XYLT1: variants seen among roughly 807,000 people sequenced by gnomAD.
XYLT1 encodes xylosyltransferase 1, also known as beta-D-xylosyltransferase 1.
XYLT1 carries 36 observed loss-of-function variants against 91.3 expected under a neutral mutation model. The ratio of observed to expected loss-of-function variants is 0.39; its 90% CI spans 0.30 to 0.52. The LOEUF (loss-of-function observed/expected upper bound fraction) is 0.52. Ranked by LOEUF, XYLT1 falls within the 20% of genes least tolerant of loss-of-function variation. The pLI, the probability that XYLT1 is intolerant of heterozygous loss-of-function variation, is 0.68. For synonymous variants in XYLT1, 588 were observed against 532.0 expected (o/e 1.11, Z -1.45); for missense variants, 1,242 against 1,284.5 (o/e 0.97, Z 0.51).
chr16:17,290,102 C>T (rs567366325), intron 2 of XYLT1, among the ~76,000 whole-genome samples: 1 of 152,314 alleles, frequency 6.6e-6, no homozygotes, highest in South Asian at 2.1e-4. Context: ...TCAAAGTAGA[C>T]TCTGAACTTG....
chr16:17,170,364 T>G (rs1399546766), intron 5 of XYLT1, among the ~76,000 whole-genome samples: 1 of 152,214 alleles, frequency 6.6e-6, no homozygotes, highest in Non-Finnish European at 1.5e-5. Flanking sequence ...GGGTCATCTA[T>G]GTTCCCCAAC....
chr16:17,462,247 C>T (rs1274623909), intron 1 of XYLT1, among the ~76,000 whole-genome samples: 2 of 152,210 alleles, frequency 1.3e-5, no homozygotes, highest in African/African-American at 2.4e-5. Context: ...CAAATCCATT[C>T]ATTGCCCCTA....
intron 3 of XYLT1, among the ~76,000 whole-genome samples, chr16:17,247,148 CATTCATTT>C (rs1006823198): frequency 2.1e-4 from 28 of 135,602 alleles, no homozygotes; most frequent in African/African-American, 2.0e-4. Flanking sequence ...TTCATTCATT[CATTCATTT>C]ATTCATTCAC....
intron 10 of XYLT1, among the ~76,000 whole-genome samples, chr16:17,126,199 G>A (rs1247175436): frequency 6.6e-6 from 1 of 152,200 alleles, no homozygotes; most frequent in East Asian, 1.9e-4. Flanking sequence ...CCTGTGTAGT[G>A]AGGACCATCC....
At chr16:17,218,843 T>A (rs567109771) in intron 3 of XYLT1, among the ~76,000 whole-genome samples, 3 of 152,292 alleles carry the variant, frequency 2.0e-5, no homozygotes, top group African/African-American at 7.2e-5. Flanking sequence ...CTCCCAAGCA[T>A]GTGCCAGCAC....
At chr16:17,203,467 A>T (rs574353788) in intron 3 of XYLT1, among the ~76,000 whole-genome samples, 1 of 149,906 alleles carries the variant, frequency 6.7e-6, no homozygotes, top group South Asian at 2.1e-4. Flanking sequence ...TCCAACCACT[A>T]ATCTGTCCAT....
chr16:17,330,104 T>TACACAC (rs35148093), intron 2 of XYLT1, among the ~76,000 whole-genome samples: 2,179 of 144,560 alleles, frequency 0.015, 34 homozygotes, highest in African/African-American at 0.035. Context: ...TGGAGGTAGA[T>TACACAC]ACACACACAC....
chr16:17,158,806 A>C (rs375444153), intron 6 of XYLT1, 23 bp downstream of exon 6: 7 of 1,611,488 alleles, frequency 4.3e-6, no homozygotes, highest in African/African-American at 2.7e-5. Flanking sequence ...CATTTTGTAC[A>C]GGGGTAGGGG....
chr16:17,188,493 C>T (rs2032238112), intron 5 of XYLT1, among the ~76,000 whole-genome samples: 1 of 152,136 alleles, frequency 6.6e-6, no homozygotes, highest in Admixed American at 6.5e-5. Context: ...TCCTGGGATG[C>T]CTGCTTGGAA....
At chr16:17,218,647 G>T (rs925935764) in intron 3 of XYLT1, among the ~76,000 whole-genome samples, 1 of 152,082 alleles carries the variant, frequency 6.6e-6, no homozygotes, top group Non-Finnish European at 1.5e-5. Flanking sequence ...TCAAATATGT[G>T]GAAATTGTTA....
chr16:17,380,363 G>C (rs1232681522), intron 1 of XYLT1, among the ~76,000 whole-genome samples: 1 of 152,166 alleles, frequency 6.6e-6, no homozygotes, highest in Non-Finnish European at 1.5e-5. Flanking sequence ...AGCAGACGAA[G>C]CAGTTGACTC....
intron 6 of XYLT1, among the ~76,000 whole-genome samples, chr16:17,156,846 G>A (rs183513814): frequency 7.3e-4 from 111 of 152,218 alleles, no homozygotes; most frequent in African/African-American, 2.6e-3. Flanking sequence ...ATGTAAAGAA[G>A]GTAGGCTGTG....
At chr16:17,115,359 G>A (rs112192060) in intron 11 of XYLT1, among the ~76,000 whole-genome samples, 8,217 of 144,626 alleles carry the variant, frequency 0.057, 769 homozygotes, top group African/African-American at 0.2. Context: ...TGGCACACTC[G>A]TGTAGTTTCA....
chr16:17,155,483 CAA>C (rs1253308036), intron 6 of XYLT1, among the ~76,000 whole-genome samples: 1 of 152,216 alleles, frequency 6.6e-6, no homozygotes, highest in East Asian at 1.9e-4. Context: ...CATTTCCCAC[CAA>C]AAGAGTTCTC....
rs532341952 is a variant in XYLT1 at position 17,409,438 on chromosome 16, C to T, written c.364-51388G>A. ...TGTGCATAATATTGATCTTGAACCA[C>T]AGCGATCTTCCTAGTTCCTTTTGCC... On this transcript the variant is annotated intron_variant, in intron 1 of 11. Transcript: ENST00000261381. Among the ~76,000 whole-genome samples the T allele has an allele frequency of 3.9e-5, 6 of 152,166 alleles. No individual in the cohort carries two copies. The South Asian group carries it at 8.3e-4, about 21-fold the overall frequency.
intron 6 of XYLT1, among the ~76,000 whole-genome samples, chr16:17,142,431 ATTTTTT>A (rs71137975): frequency 1.6e-5 from 2 of 122,746 alleles, no homozygotes; most frequent in Non-Finnish European, 3.3e-5. Flanking sequence ...AAATCCTGTA[ATTTTTT>A]TTTTTTTTTT....
At chr16:17,261,985 A>G (rs2033729358) in intron 2 of XYLT1, among the ~76,000 whole-genome samples, 1 of 152,192 alleles carries the variant, frequency 6.6e-6, no homozygotes, top group Non-Finnish European at 1.5e-5. Flanking sequence ...TGTAACCTAA[A>G]CAAAACCTGC....
intron 2 of XYLT1, among the ~76,000 whole-genome samples, chr16:17,261,310 AT>A (rs1398977404): frequency 6.6e-6 from 1 of 151,574 alleles, no homozygotes; most frequent in Admixed American, 6.6e-5. Context: ...GTAAGCACGA[AT>A]TTCTCCTATT....
At chr16:17,135,947 G>A (rs2030702367) in intron 8 of XYLT1, among the ~76,000 whole-genome samples, 1 of 152,202 alleles carries the variant, frequency 6.6e-6, no homozygotes, top group African/African-American at 2.4e-5. Context: ...GGCCCCCAGG[G>A]CTAGAGTTTG....
Sources: gnomAD v4.1 joint callset for allele counts (sites outside exome capture counted in the v4.1 genomes callset) on GRCh38, gnomAD v4.1.1 for gene constraint, MANE v1.5 for transcripts, NCBI Gene and HGNC (gene_info 2026-07-23, HGNC 2026-07-21) for gene names.